SLC5A10: variants seen among roughly 807,000 people sequenced by gnomAD.
SLC5A10 encodes solute carrier family 5 member 10.
SLC5A10 carries 55 observed loss-of-function variants against 68.9 expected under a neutral mutation model. The observed-to-expected ratio is 0.80, with a 90% CI of 0.64 to 1.00. The LOEUF is 1.00. SLC5A10 is among the 50% of genes least tolerant of loss of function. SLC5A10 has a pLI of 0.00. For missense variants in SLC5A10, 732 were observed against 819.3 expected (o/e 0.89, Z 1.30); for synonymous variants, 344 against 344.8 (o/e 1.00, Z 0.02).
rs189323437 is a variant in SLC5A10, at chr17:18,985,931, T to G, written c.982+8942T>G. ...AGGGCCTGGGATTTAGAATGTGTGGTTCTTGCCAGTAGCTGTATAACTTTC... is the reference window on the plus strand; with the variant it reads ...AGGGCCTGGGATTTAGAATGTGTGGGTCTTGCCAGTAGCTGTATAACTTTC... On this transcript the variant is annotated intron_variant, in intron 9 of 14. Coordinates refer to ENST00000395645, the MANE Select transcript of SLC5A10 (RefSeq NM_001042450.4). 2.1e-3 allele frequency among the ~76,000 whole-genome samples: 313 copies of G among 152,342 alleles called. 1 individual carries two copies. Among genetic ancestry groups the G allele is most frequent in the African/African-American group, 6.9e-3 (285 of 41,586 alleles).
chr17:18,962,978 G>T (rs1014436300), intron 5 of SLC5A10, among the ~76,000 whole-genome samples: 3 of 152,218 alleles, frequency 2.0e-5, no homozygotes, highest in African/African-American at 7.2e-5. Context: ...AGCAATTTGG[G>T]AGGCTGAGGC....
chr17:18,987,076 AG>A (rs1318071191), intron 9 of SLC5A10, among the ~76,000 whole-genome samples: 6 of 152,106 alleles, frequency 3.9e-5, no homozygotes, highest in Admixed American at 1.3e-4. Flanking sequence ...TTGGGGTTGG[AG>A]GGGGTGGGCG....
At chr17:18,979,525 C>G (rs773836596) in intron 9 of SLC5A10, 1 of 1,611,548 alleles carries the variant, frequency 6.2e-7, no homozygotes, top group Non-Finnish European at 8.5e-7. Flanking sequence ...TCTCGCACAA[C>G]TTCCCTGAAA....
At position 18,996,625 on chromosome 17, in the gene SLC5A10, C is replaced by T. The variant is rs1342806704; in HGVS notation, c.983-16785C>T. ...TAACAAATGCTGACCCCAGCCAGAG[C>T]AAGGATAATTAGGCCAACCAGCTGG... On this transcript the variant is annotated intron_variant, in intron 9 of 14. Coordinates refer to ENST00000395645, the MANE Select transcript of SLC5A10 (RefSeq NM_001042450.4). This position sits in a 1 kb window ranked among gnomAD's most constrained non-coding sequence, Gnocchi z 4.4. 1.3e-5 allele frequency among the ~76,000 whole-genome samples: 2 copies of T among 152,128 alleles called. No individual in the cohort carries two copies. The highest frequency in any genetic ancestry group is 2.9e-5 in the Non-Finnish European group (2 of 68,018).
At position 19,004,442 on chromosome 17, in the gene SLC5A10, G is replaced by T. The variant is rs561838265; in HGVS notation, c.983-8968G>T. Among the ~76,000 whole-genome samples the T allele has an allele frequency of 3.9e-5, 6 of 152,288 alleles. No individual in the cohort carries two copies. Among genetic ancestry groups the T allele is most frequent in the African/African-American group, 9.6e-5 (4 of 41,572 alleles). On this transcript the variant is annotated intron_variant, in intron 9 of 14. Coordinates refer to ENST00000395645, the MANE Select transcript of SLC5A10 (RefSeq NM_001042450.4). This position sits in a 1 kb window ranked among gnomAD's most constrained non-coding sequence, Gnocchi z 5.4. ...ATTTCCGGAGCTGCCTGAAGTCCTCGCAACTTCTGAGGGAAACTAGGGCAG... is the reference window on the plus strand; with the variant it reads ...ATTTCCGGAGCTGCCTGAAGTCCTCTCAACTTCTGAGGGAAACTAGGGCAG...
Position 19,017,401 on chromosome 17 carries a change from T to C in SLC5A10, c.1242-2022T>C, listed in dbSNP as rs1310090068. On this transcript the variant is annotated intron_variant, in intron 11 of 14. Coordinates refer to ENST00000395645, the MANE Select transcript of SLC5A10 (RefSeq NM_001042450.4). This position sits in a 1 kb window ranked among gnomAD's most constrained non-coding sequence, Gnocchi z 5.6. ...TCGTGGTCATGGATCTCTGGTAGGG[T>C]GAATGGCCTGACAACAGTCTCTGTC... 1.3e-6 allele frequency: 2 copies of C among 1,549,638 alleles called. No homozygotes were observed. The highest frequency in any genetic ancestry group is 2.0e-5 in the Admixed American group (1 of 50,970).
At chr17:18,970,847 A>C in intron 7 of SLC5A10, 166 bp from the exon 8 acceptor site, 1 of 616,806 alleles carries the variant, frequency 1.6e-6, no homozygotes. Context: ...AAAAAAAAAA[A>C]CAACCCTCTA....
chr17:18,960,520 C>T (rs750698199), intron 4 of SLC5A10, 28 bp from the exon 5 acceptor site: 2 of 1,601,038 alleles, frequency 1.2e-6, no homozygotes, highest in Non-Finnish European at 1.7e-6. Context: ...CTGGAGGATG[C>T]TTAGCCCCTA....
At position 18,988,386 on chromosome 17, in the gene SLC5A10, G is replaced by A. The variant is rs138389504; in HGVS notation, c.982+11397G>A. ...CAGGTCCTTGAAGATGTCCACGTCG[G>A]TGAACATGTCCATGACCACAGCTAT... On this transcript the variant is annotated intron_variant, in intron 9 of 14. Transcript: ENST00000395645. 18 of 1,614,196 alleles carry A rather than the reference G, an allele frequency of 1.1e-5. No individual in the cohort carries two copies. Among genetic ancestry groups the A allele is most frequent in the Non-Finnish European group, 1.5e-5 (18 of 1,180,038 alleles).
chr17:18,985,799 C>T (rs1300212698), intron 9 of SLC5A10, among the ~76,000 whole-genome samples: 5 of 152,192 alleles, frequency 3.3e-5, no homozygotes, highest in African/African-American at 7.2e-5. Flanking sequence ...GCAGGGCAGG[C>T]GGGGCCAGGG....
intron 9 of SLC5A10, chr17:18,977,962 G>A (rs1045483953): frequency 6.9e-6 from 11 of 1,597,206 alleles, no homozygotes; most frequent in East Asian, 2.2e-5. Flanking sequence ...GCCCCACCCC[G>A]AGGCTCTCGG....
At chr17:18,979,492 G>C in intron 9 of SLC5A10, 1 of 1,598,728 alleles carries the variant, frequency 6.3e-7, no homozygotes, top group Admixed American at 1.7e-5. Context: ...AAGGGCAGAA[G>C]CCAGTTGGGA....
rs150991947 is a variant in SLC5A10, at chr17:18,971,135, G to A, written c.763G>A (p.Asp255Asn). 3 of 1,614,094 alleles carry A rather than the reference G, an allele frequency of 1.9e-6. No homozygotes were observed. The highest frequency in any genetic ancestry group is 2.5e-6 in the Non-Finnish European group (3 of 1,180,034). ...TACAGACGCCATGCACATGTTTCGA[G>A]ACCCCCACACAGGGGACCTGCCGTG... ...PRTDAMHMFR[D>N]PHTGDLPWTG... is the part of the protein sequence containing the mutation. Residue 255 changes from aspartate to asparagine, a missense_variant, in exon 8 of 15, where the codon GAC (aspartate) becomes AAC (asparagine). By Grantham distance (23) the Asp-to-Asn change is conservative. Coordinates refer to ENST00000395645, the MANE Select transcript of SLC5A10 (RefSeq NM_001042450.4). The surrounding 1 kb of genome is among the most constrained non-coding windows in gnomAD (Gnocchi z 5.5).
At position 18,960,405 on chromosome 17, in the gene SLC5A10, G is replaced by A. The variant is rs914850304; in HGVS notation, c.349-143G>A. On this transcript the variant is annotated intron_variant, in intron 4 of 14. Coordinates refer to ENST00000395645, the MANE Select transcript of SLC5A10 (RefSeq NM_001042450.4). ...TCCAGGCCGGGTGCTGGGGCTGTAAGGGGTCAGTGCCTGGGCCTTGCCCTT... is the reference window on the plus strand; with the variant it reads ...TCCAGGCCGGGTGCTGGGGCTGTAAAGGGTCAGTGCCTGGGCCTTGCCCTT... The A allele has an allele frequency of 4.1e-6, 3 of 725,474 alleles. No individual in the cohort carries two copies. In the African/African-American group the frequency reaches 5.3e-5, roughly 13 times the overall value. The allele number at this position is 725,474 out of a possible 1,614,324, so 44.9% of individuals were successfully genotyped here. A position where few individuals can be genotyped will look rare whatever the true frequency, so the allele number is the denominator to read the frequency against.
At chr17:18,961,446 G>T (rs1259399376) in intron 5 of SLC5A10, among the ~76,000 whole-genome samples, 1 of 152,112 alleles carries the variant, frequency 6.6e-6, no homozygotes, top group Non-Finnish European at 1.5e-5. Flanking sequence ...TGTAAGGAGG[G>T]GCGGCAGACC....
rs780598860 is a variant in SLC5A10 at position 19,003,561 on chromosome 17, T to C, written c.983-9849T>C. Reference sequence around the variant, plus strand: ...ATCATCTTCCGCACCACCTCTTTGATGTGGGCCTGCCCGTCTATGGGGGGC... The same window carrying C: ...ATCATCTTCCGCACCACCTCTTTGACGTGGGCCTGCCCGTCTATGGGGGGC... On this transcript the variant is annotated intron_variant, in intron 9 of 14. Coordinates refer to ENST00000395645, the MANE Select transcript of SLC5A10 (RefSeq NM_001042450.4). This position sits in a 1 kb window ranked among gnomAD's most constrained non-coding sequence, Gnocchi z 4.5. The C allele has an allele frequency of 2.6e-6, 4 of 1,568,492 alleles. No homozygotes were observed. The Admixed American group carries it at 7.6e-5, about 30-fold the overall frequency.
chr17:18,952,457 C>T lies in SLC5A10; in HGVS notation c.111+141C>T. 3 of 1,041,756 alleles carry T rather than the reference C, an allele frequency of 2.9e-6. No homozygotes were observed. In the South Asian group the frequency reaches 5.0e-5, roughly 17 times the overall value. The allele number at this position is 1,041,756 out of a possible 1,614,324, so 64.5% of individuals were successfully genotyped here. Reference sequence around the variant, plus strand: ...GTGATCCTTGTGGTCCTCCTCCCAGCCTGGGGTAGACTTGCTTGGAGACCT... The same window carrying T: ...GTGATCCTTGTGGTCCTCCTCCCAGTCTGGGGTAGACTTGCTTGGAGACCT... On this transcript the variant is annotated intron_variant, in intron 1 of 14. Coordinates refer to ENST00000395645, the MANE Select transcript of SLC5A10 (RefSeq NM_001042450.4).
intron 7 of SLC5A10, chr17:18,970,326 A>G (rs1256534642): frequency 6.5e-6 from 1 of 153,136 alleles, no homozygotes; most frequent in Non-Finnish European, 1.5e-5. Context: ...CCCAGCAGCC[A>G]GGCCCAGTCT....
Position 18,969,046 on chromosome 17 carries a change from C to G in SLC5A10, c.454-6C>G, listed in dbSNP as rs1250051354. On this transcript the variant is annotated splice_region_variant and splice_polypyrimidine_tract_variant and intron_variant, in intron 5 of 14. Coordinates refer to ENST00000395645, the MANE Select transcript of SLC5A10 (RefSeq NM_001042450.4). ...CAGTCCCACACAAGGCTCTCTCCCT[C>G]CGCAGCTGGACCTGTACGCGGGGGC... The G allele has an allele frequency of 6.2e-7, 1 of 1,611,356 alleles. No homozygotes were observed. Among genetic ancestry groups the G allele is most frequent in the South Asian group, 1.1e-5 (1 of 90,680 alleles).
Sources: allele counts gnomAD v4.1 joint callset (sites outside exome capture counted in the v4.1 genomes callset), GRCh38; gene constraint gnomAD v4.1.1; non-coding constraint Gnocchi (gnomAD v3.1); transcripts MANE v1.5; gene names NCBI Gene and HGNC (gene_info 2026-07-23, HGNC 2026-07-21).